The following RELCH variants were observed in gnomAD, a reference collection of about 807,000 sequenced individuals.
The protein encoded by RELCH is RAB11 binding and LisH domain, coiled-coil and HEAT repeat containing, also known as RAB11-binding protein RELCH.
Under a neutral mutation model 150.3 loss-of-function variants are expected in RELCH, and 41 were observed. The observed-to-expected ratio is 0.27, with a 90% CI of 0.21 to 0.35. The LOEUF is 0.35. Ranked by LOEUF, RELCH falls within the 10% of genes least tolerant of loss-of-function variation. The pLI, the probability that RELCH is intolerant of heterozygous loss-of-function variation, is 1.00. For missense variants in RELCH, 1,092 were observed against 1,467.8 expected (o/e 0.74, Z 4.18); for synonymous variants, 478 against 531.8 (o/e 0.90, Z 1.39).
intron 27 of RELCH, among the ~76,000 whole-genome samples, chr18:62,298,187 C>T (rs1252515583): frequency 6.6e-6 from 1 of 151,652 alleles, no homozygotes; most frequent in African/African-American, 2.4e-5. Context: ...CAAGAATATT[C>T]AGAAGAGCCA....
intron 19 of RELCH, 102 bp from the exon 20 acceptor site, chr18:62,268,767 A>C: frequency 1.8e-6 from 1 of 555,940 alleles, no homozygotes; most frequent in South Asian, 2.9e-5. Context: ...ACTTACTTGT[A>C]ACCTAGTAAA....
At position 62,204,534 on chromosome 18, in the gene RELCH, G is replaced by A. The variant is rs188154162; in HGVS notation, c.527-6619G>A. On this transcript the variant is annotated intron_variant, in intron 1 of 28. Transcript: ENST00000644646. ...TTTTGTAGAGACAATGTCTCACTAC[G>A]TTTCCCAGGCTGGTCTCAAACCCCT... is the stretch of plus-strand genomic sequence containing the variant. 1.1e-3 allele frequency among the ~76,000 whole-genome samples: 166 copies of A among 152,012 alleles called. 1 individual carries two copies. The highest frequency in any genetic ancestry group is 3.5e-3 in the African/African-American group (143 of 41,442).
chr18:62,205,806 C>T (rs971707324), intron 1 of RELCH, among the ~76,000 whole-genome samples: 1 of 152,172 alleles, frequency 6.6e-6, no homozygotes, highest in Non-Finnish European at 1.5e-5. Flanking sequence ...AGGAGGATTG[C>T]TCGAACCCAG....
At chr18:62,280,284 A>G (rs948892659) in intron 23 of RELCH, 2 of 1,201,410 alleles carry the variant, frequency 1.7e-6, no homozygotes, top group African/African-American at 3.0e-5. Context: ...CTGCCTGCCC[A>G]TCCTCAGTCA....
chr18:62,211,298 A>G, intron 2 of RELCH, 56 bp downstream of exon 2: 1 of 1,094,984 alleles, frequency 9.1e-7, no homozygotes, highest in Non-Finnish European at 1.4e-6. Flanking sequence ...AAATAATGAA[A>G]TGGCTTGAGG....
rs1202982195 is a variant in RELCH at position 62,306,586 on chromosome 18, G to A, written c.*1052G>A. The stretch of plus-strand genomic sequence containing the variant: ...ATTATAACTAGTTAGTTATCACCTC[G>A]TCCCTTAAAGTCAGTGACCTCCTGT... On this transcript the variant is annotated 3_prime_UTR_variant, in exon 29 of 29. Coordinates refer to ENST00000644646, the MANE Select transcript of RELCH (RefSeq NM_001346231.2). The A allele has an allele frequency of 3.3e-5, 5 of 152,482 alleles. 1 individual carries two copies. The highest frequency in any genetic ancestry group is 4.2e-4 in the South Asian group (2 of 4,818). 9.4% of individuals were successfully genotyped at this position (152,482 alleles called of 1,614,324 possible). A position where few individuals can be genotyped will look rare whatever the true frequency, so the allele number is the denominator to read the frequency against.
chr18:62,258,465 A>C (rs1178763799), intron 14 of RELCH, 47 bp from the exon 15 acceptor site: 1 of 1,486,586 alleles, frequency 6.7e-7, no homozygotes, highest in East Asian at 2.3e-5. Flanking sequence ...GTTTTATTTT[A>C]AGTTTATCCC....
intron 10 of RELCH, among the ~76,000 whole-genome samples, chr18:62,232,693 A>G (rs1183566798): frequency 6.6e-6 from 1 of 152,064 alleles, no homozygotes; most frequent in Non-Finnish European, 1.5e-5. Context: ...CTGTAGGTCC[A>G]TTTATGTGCC....
rs2045891468 is a variant in RELCH, at chr18:62,306,766, A to C, written c.*1232A>C. The C allele has an allele frequency of 6.6e-6, 1 of 152,666 alleles. No individual in the cohort carries two copies. The highest frequency in any genetic ancestry group is 6.5e-5 in the Admixed American group (1 of 15,288). The allele number at this position is 152,666 out of a possible 1,614,324, so 9.5% of individuals were successfully genotyped here. ...GGGTTAATGTGAGGCCTTTTTGAAA[A>C]ATGAATATTTTGATAAAAAGAATTC... On this transcript the variant is annotated 3_prime_UTR_variant, in exon 29 of 29. Coordinates refer to ENST00000644646, the MANE Select transcript of RELCH (RefSeq NM_001346231.2).
intron 11 of RELCH, chr18:62,246,567 T>C (rs1356539854): frequency 2.0e-5 from 3 of 152,216 alleles, no homozygotes; most frequent in Non-Finnish European, 2.9e-5. Flanking sequence ...CAGTTAACAG[T>C]CAGCCATTTG....
At chr18:62,226,618 T>G (rs1265943384) in intron 5 of RELCH, among the ~76,000 whole-genome samples, 3 of 152,076 alleles carry the variant, frequency 2.0e-5, no homozygotes, top group African/African-American at 7.2e-5. Flanking sequence ...CTAAACATGT[T>G]TTATGATGTC....
intron 10 of RELCH, among the ~76,000 whole-genome samples, chr18:62,238,482 G>A (rs1036587608): frequency 3.3e-5 from 5 of 151,920 alleles, no homozygotes; most frequent in African/African-American, 9.7e-5. Context: ...TGCTTTGACC[G>A]CATTTGAAGA....
chr18:62,199,396 T>G (rs2148225599), intron 1 of RELCH, among the ~76,000 whole-genome samples: 1 of 152,324 alleles, frequency 6.6e-6, no homozygotes, highest in East Asian at 1.9e-4. Flanking sequence ...AGATGTTAGC[T>G]CATAGGTCTT....
rs764754428 is a variant in RELCH at position 62,280,409 on chromosome 18, C to T, written c.3051-237C>T. Reference sequence around the variant, plus strand: ...GCGTTAGTTGACAAGCGGGTTGCTCCGGCCCTTGTTACCTTGTCCAGTGAT... The same window carrying T: ...GCGTTAGTTGACAAGCGGGTTGCTCTGGCCCTTGTTACCTTGTCCAGTGAT... On this transcript the variant is annotated intron_variant, in intron 23 of 28. Coordinates refer to ENST00000644646, the MANE Select transcript of RELCH (RefSeq NM_001346231.2). 71 of 1,613,860 alleles carry T rather than the reference C, an allele frequency of 4.4e-5. No homozygotes were observed. The Admixed American group carries it at 9.8e-4, about 22-fold the overall frequency.
In RELCH at chr18:62,279,218, C is replaced by T. The variant is rs141474003; in HGVS notation, c.2968-556C>T. Among the ~76,000 whole-genome samples the T allele has an allele frequency of 1.6e-3, 242 of 152,282 alleles. 1 individual carries two copies. The highest frequency in any genetic ancestry group is 5.4e-3 in the African/African-American group (226 of 41,574). Reference sequence around the variant, plus strand: ...CCCAAGTGTAATACTTTCCAATAGGCAGCCTTATATCTCTGTACCTCAAAA... The same window carrying T: ...CCCAAGTGTAATACTTTCCAATAGGTAGCCTTATATCTCTGTACCTCAAAA... On this transcript the variant is annotated intron_variant, in intron 22 of 28. Coordinates refer to ENST00000644646, the MANE Select transcript of RELCH (RefSeq NM_001346231.2).
chr18:62,264,637 C>A, intron 17 of RELCH, 92 bp from the exon 18 acceptor site: 1 of 929,428 alleles, frequency 1.1e-6, no homozygotes, highest in South Asian at 1.6e-5. Context: ...CGAAATAGAA[C>A]AGGTTATTAG....
chr18:62,304,039 T>G (rs1476399205), intron 28 of RELCH, among the ~76,000 whole-genome samples: 1 of 152,176 alleles, frequency 6.6e-6, no homozygotes, highest in East Asian at 1.9e-4. Flanking sequence ...GCTATTAAAT[T>G]CACTGTTAGA....
At chr18:62,210,339 C>G (rs1337453192) in intron 1 of RELCH, among the ~76,000 whole-genome samples, 1 of 152,056 alleles carries the variant, frequency 6.6e-6, no homozygotes, top group Admixed American at 6.6e-5. Flanking sequence ...TATGTTAGAC[C>G]TTTTTTATTG....
intron 12 of RELCH, among the ~76,000 whole-genome samples, chr18:62,254,025 C>G (rs925880302): frequency 6.6e-6 from 1 of 152,232 alleles, no homozygotes; most frequent in East Asian, 1.9e-4. Flanking sequence ...CAAAGACAAA[C>G]CCTAACTGCT....
Sources: gnomAD v4.1 joint callset for allele counts (sites outside exome capture counted in the v4.1 genomes callset) on GRCh38, gnomAD v4.1.1 for gene constraint, MANE v1.5 for transcripts, NCBI Gene and HGNC (gene_info 2026-07-23, HGNC 2026-07-21) for gene names.